ZNF385D: variants seen among roughly 807,000 people sequenced by gnomAD.
The protein encoded by ZNF385D is zinc finger protein 385D.
ZNF385D carries 15 observed loss-of-function variants against 35.8 expected under a neutral mutation model. The ratio of observed to expected loss-of-function variants is 0.42; its 90% CI spans 0.28 to 0.64. The LOEUF is 0.64. Among genes scored for constraint, ZNF385D ranks in the 30% least tolerant of loss-of-function variants. The pLI is 0.23. For missense variants in ZNF385D, 474 were observed against 494.6 expected, an observed-to-expected ratio of 0.96 and a Z score of 0.39; for synonymous variants, 212 against 186.8, an observed-to-expected ratio of 1.13 and a Z score of -1.10.
At chr3:22,011,940 G>A (rs1696599167) in intron 3 of ZNF385D, among the ~76,000 whole-genome samples, 1 of 152,074 alleles carries the variant, frequency 6.6e-6, no homozygotes, top group African/African-American at 2.4e-5. Context: ...CAGGCAACAG[G>A]TTTTCTTCTT....
rs200484345 is a variant in ZNF385D at position 21,586,987 on chromosome 3, TAGAA to T, written c.166-22307_166-22304del. On this transcript the variant is annotated intron_variant, in intron 2 of 7. Transcript: ENST00000281523. ...GCTGGATGAGTAGGAATTATTTACT[TAGAA>T]AGGAGAAAATGATAGAACAGAAACA... Among the ~76,000 whole-genome samples, 1,045 of 152,188 alleles carry T rather than the reference TAGAA, an allele frequency of 6.9e-3. 4 individuals carry two copies. The highest frequency in any genetic ancestry group is 9.3e-3 in the Non-Finnish European group (632 of 68,010).
chr3:22,233,335 A>T (rs190719464), intron 2 of ZNF385D, among the ~76,000 whole-genome samples: 2 of 152,132 alleles, frequency 1.3e-5, no homozygotes, highest in Non-Finnish European at 2.9e-5. Flanking sequence ...GGTAAGTACT[A>T]TATTATTTCA....
intron 3 of ZNF385D, among the ~76,000 whole-genome samples, chr3:21,783,593 C>A (rs1174240296): frequency 6.6e-6 from 1 of 152,182 alleles, no homozygotes; most frequent in African/African-American, 2.4e-5. Flanking sequence ...AGCACTGAGC[C>A]CTTAAGAGAG....
chr3:21,605,416 G>A (rs1403132103), intron 2 of ZNF385D, among the ~76,000 whole-genome samples: 1 of 152,160 alleles, frequency 6.6e-6, no homozygotes, highest in Non-Finnish European at 1.5e-5. Flanking sequence ...ATCATACCGT[G>A]CCTATCGTTA....
intron 3 of ZNF385D, among the ~76,000 whole-genome samples, chr3:22,090,884 G>A (rs562869381): frequency 1.8e-4 from 28 of 152,270 alleles, no homozygotes; most frequent in African/African-American, 6.3e-4. Context: ...TGTTGGAGAT[G>A]CCTTGTTAGG....
intron 3 of ZNF385D, among the ~76,000 whole-genome samples, chr3:22,093,097 G>C (rs1023468984): frequency 6.6e-6 from 1 of 152,086 alleles, no homozygotes; most frequent in African/African-American, 2.4e-5. Context: ...AGTGGGAGAA[G>C]TGAAGTGTTG....
intron 2 of ZNF385D, among the ~76,000 whole-genome samples, chr3:21,601,283 CCAGGA>C (rs1431083946): frequency 1.3e-5 from 2 of 152,156 alleles, no homozygotes; most frequent in African/African-American, 4.8e-5. Flanking sequence ...AAACCATAGG[CCAGGA>C]CAGATCTGAA....
At chr3:21,702,518 G>C (rs987095946) in intron 1 of ZNF385D, among the ~76,000 whole-genome samples, 1 of 152,186 alleles carries the variant, frequency 6.6e-6, no homozygotes, top group Non-Finnish European at 1.5e-5. Flanking sequence ...CATGATCTTG[G>C]GGATTAACAT....
At chr3:22,103,802 A>C (rs2125629951) in intron 3 of ZNF385D, among the ~76,000 whole-genome samples, 1 of 152,176 alleles carries the variant, frequency 6.6e-6, no homozygotes, top group East Asian at 1.9e-4. Flanking sequence ...CAGAATGGCA[A>C]ACTATGCCTT....
At chr3:22,057,443 C>T (rs367690551) in intron 3 of ZNF385D, among the ~76,000 whole-genome samples, 1 of 152,008 alleles carries the variant, frequency 6.6e-6, no homozygotes. Flanking sequence ...TCAACTGATA[C>T]TGCAATTAAA....
intron 2 of ZNF385D, among the ~76,000 whole-genome samples, chr3:22,307,087 T>G (rs547759697): frequency 2.6e-5 from 4 of 152,214 alleles, no homozygotes; most frequent in Admixed American, 6.6e-5. Flanking sequence ...AAAACTAGGG[T>G]TAAACTACAG....
intron 2 of ZNF385D, among the ~76,000 whole-genome samples, chr3:22,307,325 C>A (rs1242138114): frequency 1.3e-5 from 2 of 151,994 alleles, no homozygotes; most frequent in African/African-American, 2.4e-5. Flanking sequence ...TTGAATGCCA[C>A]AATGAAGACT....
intron 3 of ZNF385D, among the ~76,000 whole-genome samples, chr3:22,125,256 T>A (rs1289924128): frequency 6.6e-6 from 1 of 152,138 alleles, no homozygotes; most frequent in Non-Finnish European, 1.5e-5. Flanking sequence ...GTTTCTCTAT[T>A]CTCTTTCACT....
At chr3:21,431,169 T>C (rs911683198) in intron 5 of ZNF385D, 1 of 152,188 alleles carries the variant, frequency 6.6e-6, no homozygotes, top group Non-Finnish European at 1.5e-5. Context: ...AACTTTCCAC[T>C]GTTTTGCACT....
chr3:22,062,447 A>C (rs960272225), intron 3 of ZNF385D, among the ~76,000 whole-genome samples: 1 of 152,198 alleles, frequency 6.6e-6, no homozygotes, highest in African/African-American at 2.4e-5. Flanking sequence ...GTCTAAGTTC[A>C]TAACTAAGGA....
intron 3 of ZNF385D, among the ~76,000 whole-genome samples, chr3:21,903,382 G>A (rs1218972733): frequency 6.6e-6 from 1 of 152,092 alleles, no homozygotes; most frequent in Non-Finnish European, 1.5e-5. Flanking sequence ...TTAAAATTGT[G>A]ACCCTAACTC....
intron 3 of ZNF385D, among the ~76,000 whole-genome samples, chr3:21,769,082 T>C (rs542721698): frequency 1.4e-4 from 22 of 152,144 alleles, no homozygotes; most frequent in African/African-American, 5.1e-4. Flanking sequence ...TGAAGGGCTG[T>C]TGAATTTTGT....
chr3:21,645,385 C>G (rs2065721086), intron 2 of ZNF385D, among the ~76,000 whole-genome samples: 1 of 152,120 alleles, frequency 6.6e-6, no homozygotes, highest in South Asian at 2.1e-4. Context: ...AAGACCTCCA[C>G]AACCTACACA....
At chr3:21,734,297 A>G (rs1489756093) in intron 1 of ZNF385D, among the ~76,000 whole-genome samples, 2 of 147,000 alleles carry the variant, frequency 1.4e-5, no homozygotes, top group Non-Finnish European at 3.0e-5. Context: ...TTTTTTTTTC[A>G]GATATGTTGG....
Sources: allele counts gnomAD v4.1 joint callset (sites outside exome capture counted in the v4.1 genomes callset), GRCh38; gene constraint gnomAD v4.1.1; transcripts MANE v1.5; gene names NCBI Gene and HGNC (gene_info 2026-07-23, HGNC 2026-07-21).